Variants in NFATC2 observed in about 807,000 individuals in gnomAD.
The protein encoded by NFATC2 is nuclear factor of activated T-cells, cytoplasmic 2.
A neutral mutation model predicts 87.3 loss-of-function variants in NFATC2; 22 were observed. The observed-to-expected ratio is 0.25, with a 90% CI of 0.18 to 0.36. The LOEUF (loss-of-function observed/expected upper bound fraction) is 0.36. Among genes scored for constraint, NFATC2 ranks in the 10% least tolerant of loss-of-function variants. The probability of loss-of-function intolerance (pLI) is 1.00; values close to 1 mark genes in which losing one functional copy is unlikely to be tolerated. For synonymous variants in NFATC2, 565 were observed against 542.2 expected, an observed-to-expected ratio of 1.04 and a Z score of -0.58; for missense variants, 1,149 against 1,259.1, an observed-to-expected ratio of 0.91 and a Z score of 1.32.
intron 3 of NFATC2, among the ~76,000 whole-genome samples, chr20:51,503,377 C>T (rs3787190): frequency 7.2e-5 from 11 of 152,038 alleles, no homozygotes; most frequent in Admixed American, 7.2e-4. Flanking sequence ...TTTGCTTCTT[C>T]GGCAAATTGA....
chr20:51,440,195 C>T (rs1337727782), intron 6 of NFATC2, among the ~76,000 whole-genome samples: 1 of 137,614 alleles, frequency 7.3e-6, no homozygotes, highest in Admixed American at 8.0e-5. Context: ...GAGAGCATGC[C>T]ATTGCACTCC....
chr20:51,437,281 G>C (rs1464969439), intron 6 of NFATC2, among the ~76,000 whole-genome samples: 1 of 152,198 alleles, frequency 6.6e-6, no homozygotes, highest in Non-Finnish European at 1.5e-5. Context: ...TTATGAGAAG[G>C]GGGAAAAATC....
In NFATC2 at chr20:51,441,821, G is replaced by A. The variant is rs530738674; in HGVS notation, c.1850-6060C>T. 5.3e-5 allele frequency among the ~76,000 whole-genome samples: 8 copies of A among 152,154 alleles called. No homozygotes were observed. In the East Asian group the frequency reaches 5.8e-4, roughly 11 times the overall value. Reference sequence around the variant, plus strand: ...TGAAATGCTTAGTAAAATTCCCAGCGCATAGTTAATGCTGCTGTCATTACT... The same window carrying A: ...TGAAATGCTTAGTAAAATTCCCAGCACATAGTTAATGCTGCTGTCATTACT... On this transcript the variant is annotated intron_variant, in intron 6 of 10. Coordinates refer to ENST00000371564, the MANE Select transcript of NFATC2 (RefSeq NM_012340.5).
chr20:51,438,173 G>A (rs1983834125), intron 6 of NFATC2, among the ~76,000 whole-genome samples: 1 of 152,286 alleles, frequency 6.6e-6, no homozygotes, highest in South Asian at 2.1e-4. Flanking sequence ...CCACCCAACA[G>A]AGACACATGT....
upstream of NFATC2, among the ~76,000 whole-genome samples, chr20:51,544,352 C>T (rs1019478760): frequency 6.6e-6 from 1 of 152,024 alleles, no homozygotes; most frequent in Non-Finnish European, 1.5e-5. Context: ...GAAGATTAGA[C>T]GGGAGAGGTC....
At chr20:51,430,604 G>A (rs1361029049) in intron 9 of NFATC2, among the ~76,000 whole-genome samples, 1 of 152,186 alleles carries the variant, frequency 6.6e-6, no homozygotes, top group Non-Finnish European at 1.5e-5. Context: ...AGAGGTCTTT[G>A]CTTGGTGAAT....
chr20:51,504,328 G>T (rs1324956503), intron 3 of NFATC2, among the ~76,000 whole-genome samples: 1 of 152,088 alleles, frequency 6.6e-6, no homozygotes, highest in African/African-American at 2.4e-5. Context: ...TAGAGCCGGG[G>T]TTTCATCATG....
At chr20:51,538,402 GAACT>G (rs565912383) in intron 1 of NFATC2, among the ~76,000 whole-genome samples, 9 of 152,180 alleles carry the variant, frequency 5.9e-5, no homozygotes, top group East Asian at 1.9e-4. Flanking sequence ...AAAAAAGAAA[GAACT>G]AATACTTCCT....
chr20:51,403,881 G>A (rs553638950), intron 9 of NFATC2, among the ~76,000 whole-genome samples: 4 of 152,216 alleles, frequency 2.6e-5, no homozygotes, highest in East Asian at 3.9e-4. Flanking sequence ...TATGTGGCCC[G>A]AGCTGACTGA....
chr20:51,438,443 GAA>G (rs11474098), intron 6 of NFATC2, among the ~76,000 whole-genome samples: 2 of 138,996 alleles, frequency 1.4e-5, no homozygotes, highest in Non-Finnish European at 3.1e-5. Flanking sequence ...AGCTTGCTTT[GAA>G]AAAAAAAAAA....
intron 3 of NFATC2, among the ~76,000 whole-genome samples, chr20:51,488,979 A>G (rs2075833613): frequency 6.6e-6 from 1 of 152,256 alleles, no homozygotes; most frequent in Non-Finnish European, 1.5e-5. Context: ...ACTTGAGGTC[A>G]GGAGTTCAAG....
At position 51,396,038 on chromosome 20, in the gene NFATC2, GTATATATATATATATATATATATATATA is replaced by G. The variant is rs1161908517; in HGVS notation, c.*44+2577_*44+2604del. Among the ~76,000 whole-genome samples, 152 of 21,302 alleles carry G rather than the reference GTATATATATATATATATATATATATATA, an allele frequency of 7.1e-3. 1 individual carries two copies. Among genetic ancestry groups the G allele is most frequent in the Non-Finnish European group, 9.1e-3 (105 of 11,584 alleles). The allele number at this position is 21,302 out of a possible 152,430, so 14.0% of individuals were successfully genotyped here. ...GCTGTAGTTTGTCAGCTCCTAGTATGTATATATATATATATATATATATATATATATATATATATATATATATATATAT... is the reference window on the plus strand; with the variant it reads ...GCTGTAGTTTGTCAGCTCCTAGTATGTATATATATATATATATATATATAT... On this transcript the variant is annotated intron_variant, in intron 10 of 10. Coordinates refer to ENST00000371564, the MANE Select transcript of NFATC2 (RefSeq NM_012340.5).
In NFATC2 at chr20:51,523,388, G is replaced by A. The variant is rs778412410; in HGVS notation, c.853C>T (p.Pro285Ser). 1 of 1,610,518 alleles carries A rather than the reference G, an allele frequency of 6.2e-7. No individual in the cohort carries two copies. The highest frequency in any genetic ancestry group is 1.3e-5 in the African/African-American group (1 of 74,870). ...CCAGCCGGGGAGCCGTGGTCCTGGG[G>A]TGCCACGTGAGATGAGGGCTGCGGC... is the stretch of plus-strand genomic sequence containing the variant. Reference protein sequence around the residue: ...PSPQPSSHVAPQDHGSPAGYP... With the variant: ...PSPQPSSHVASQDHGSPAGYP... The change falls in exon 2 of 11, where the codon CCC becomes TCC. Residue 285 changes from proline to serine, a missense_variant. Transcript: ENST00000371564. This position sits in a 1 kb window ranked among gnomAD's most constrained non-coding sequence, Gnocchi z 6.9.
chr20:51,414,287 C>T (rs1979718176), intron 9 of NFATC2, among the ~76,000 whole-genome samples: 1 of 152,140 alleles, frequency 6.6e-6, no homozygotes, highest in Admixed American at 6.5e-5. Context: ...AATGGAAACA[C>T]CTGAAAGAGA....
chr20:51,408,511 T>TAAAAAAAAAA (rs376694540), intron 9 of NFATC2, among the ~76,000 whole-genome samples: 1 of 125,324 alleles, frequency 8.0e-6, no homozygotes, highest in African/African-American at 3.4e-5. Flanking sequence ...AAGACTCTTT[T>TAAAAAAAAAA]TAAAAAAAAA....
intron 5 of NFATC2, among the ~76,000 whole-genome samples, chr20:51,471,926 T>TAACAAACCTGTAC (rs1988242826): frequency 6.6e-6 from 1 of 152,200 alleles, no homozygotes; most frequent in African/African-American, 2.4e-5. Flanking sequence ...TTTACCTGTG[T>TAACAAACCTGTAC]AACAAACCTG....
At chr20:51,396,518 CAAACCTCAAGCATGTTTTCCAAAA>C (rs1381436953) in intron 10 of NFATC2, among the ~76,000 whole-genome samples, 1 of 152,208 alleles carries the variant, frequency 6.6e-6, no homozygotes, top group Non-Finnish European at 1.5e-5. Flanking sequence ...GCTTCTCGCT[CAAACCTCAAGCATGTTTTCCAAAA>C]TCTGGTGAGA....
intron 3 of NFATC2, among the ~76,000 whole-genome samples, chr20:51,497,699 G>A (rs972751494): frequency 1.3e-5 from 2 of 152,120 alleles, no homozygotes; most frequent in African/African-American, 2.4e-5. Flanking sequence ...GCTGAGAGGA[G>A]GGGCAGATTG....
chr20:51,512,606 C>G (rs537884634), intron 3 of NFATC2, among the ~76,000 whole-genome samples: 1 of 152,178 alleles, frequency 6.6e-6, no homozygotes, highest in African/African-American at 2.4e-5. Flanking sequence ...ATGAAGAGAA[C>G]AGCTGAGCAT....
Sources: gnomAD v4.1 joint callset for allele counts (sites outside exome capture counted in the v4.1 genomes callset) on GRCh38, gnomAD v4.1.1 for gene constraint, Gnocchi (gnomAD v3.1) non-coding constraint, MANE v1.5 for transcripts, NCBI Gene and HGNC (gene_info 2026-07-23, HGNC 2026-07-21) for gene names.